The following ADGRA2 variants were observed in gnomAD, a reference collection of about 807,000 sequenced individuals.
ADGRA2 encodes the protein G-protein coupled receptor 124.
In ADGRA2, 61 loss-of-function variants were observed where a neutral mutation model predicts 98.7. The observed-to-expected ratio is 0.62, with a 90% CI of 0.50 to 0.76. The LOEUF is 0.76. Among genes scored for constraint, ADGRA2 ranks in the 30% least tolerant of loss-of-function variants. The probability of loss-of-function intolerance (pLI) is 0.00; values close to 1 mark genes in which losing one functional copy is unlikely to be tolerated. For missense variants in ADGRA2, 1,712 were observed against 1,860.0 expected (o/e 0.92, Z 1.46); for synonymous variants, 858 against 831.5 (o/e 1.03, Z -0.55).
intron 1 of ADGRA2, among the ~76,000 whole-genome samples, chr8:37,806,133 G>A (rs996465615): frequency 7.9e-5 from 12 of 152,126 alleles, no homozygotes; most frequent in Admixed American, 7.9e-4. Context: ...AAATCAGGGG[G>A]ACACAGACAC....
intron 2 of ADGRA2, among the ~76,000 whole-genome samples, chr8:37,826,572 C>A (rs202214088): frequency 0.03 from 4,517 of 152,214 alleles, 153 homozygotes; most frequent in African/African-American, 0.083. Context: ...CCGGCTGAGT[C>A]CTTCGAGTCC....
intron 1 of ADGRA2, among the ~76,000 whole-genome samples, chr8:37,806,260 C>T (rs1002847593): frequency 6.6e-6 from 1 of 152,162 alleles, no homozygotes; most frequent in Non-Finnish European, 1.5e-5. Context: ...TTACACAAGG[C>T]TGAGTGCACA....
At position 37,797,139 on chromosome 8, in the gene ADGRA2, G is replaced by C; in HGVS notation, c.-130G>C. 1.6e-6 allele frequency: 1 copy of C among 622,400 alleles called. No homozygotes were observed. 38.6% of individuals were successfully genotyped at this position (622,400 alleles called of 1,614,324 possible). A position where few individuals can be genotyped will look rare whatever the true frequency, so the allele number is the denominator to read the frequency against. On this transcript the variant is annotated 5_prime_UTR_variant, in exon 1 of 19. Transcript: ENST00000412232. This position sits in a 1 kb window ranked among gnomAD's most constrained non-coding sequence, Gnocchi z 5.3. ...GGCGGGGACCCCGGGGCTCGCCTCCGCCCAGGGCCCCCCTCCACGCCCTCG... is the reference window on the plus strand; with the variant it reads ...GGCGGGGACCCCGGGGCTCGCCTCCCCCCAGGGCCCCCCTCCACGCCCTCG...
chr8:37,839,204 G>A, intron 15 of ADGRA2, 121 bp downstream of exon 15: 1 of 1,376,492 alleles, frequency 7.3e-7, no homozygotes, highest in Non-Finnish European at 1.0e-6. Flanking sequence ...ATGGGGGAGG[G>A]ACTCCGAGGC....
chr8:37,833,410 C>T (rs960184576), intron 9 of ADGRA2, among the ~76,000 whole-genome samples: 1 of 152,208 alleles, frequency 6.6e-6, no homozygotes, highest in Admixed American at 6.5e-5. Context: ...TGGGGAAGGG[C>T]ACCAGTCCTC....
At chr8:37,833,270 A>G in intron 9 of ADGRA2, 62 bp downstream of exon 9, 1 of 1,328,680 alleles carries the variant, frequency 7.5e-7, no homozygotes, top group Non-Finnish European at 1.0e-6. Flanking sequence ...GGGAGAAGCC[A>G]ACCTAACGGG....
chr8:37,835,356 C>T lies in ADGRA2; in HGVS notation c.1791C>T (p.Thr597=), dbSNP rs1411164081. 6.2e-7 allele frequency: 1 copy of T among 1,612,780 alleles called. No individual in the cohort carries two copies. Among genetic ancestry groups the T allele is most frequent in the East Asian group, 2.2e-5 (1 of 44,874 alleles). ...PADQQLRFRC[T]TGRPNVSLSS... ...ACCAGCAGCTCCGCTTCCGCTGCAC[C>T]ACCGGGAGGCCCAATGTTTCTCTGT... is the stretch of plus-strand genomic sequence containing the variant. Residue 597 remains threonine, a synonymous_variant, in exon 12 of 19, where the codon ACC becomes ACT. Coordinates refer to ENST00000412232, the MANE Select transcript of ADGRA2 (RefSeq NM_032777.10).
chr8:37,801,350 G>C (rs1310796156), intron 1 of ADGRA2, among the ~76,000 whole-genome samples: 1 of 152,208 alleles, frequency 6.6e-6, no homozygotes, highest in East Asian at 1.9e-4. Flanking sequence ...CCGTGCTTCT[G>C]AACAGAGAGA....
rs1368517155 is a variant in ADGRA2, at chr8:37,833,976, G to A, written c.1456G>A (p.Val486Met). The A allele has an allele frequency of 3.7e-6, 6 of 1,612,522 alleles. No individual in the cohort carries two copies. In the African/African-American group the frequency reaches 5.3e-5, roughly 14 times the overall value. ...TTCCCTGTCCCCCCAGCTGGTAGAG[G>A]TGATGGTGGACATGGCCAGCAACCT... ...YVDQIKELVE[V>M]MVDMASNLML... The change falls in exon 11 of 19, where the codon GTG becomes ATG. Residue 486 changes from valine (V) to methionine (M), a missense_variant. Val to Met is a conservative substitution (Grantham distance 21). Coordinates refer to ENST00000412232, the MANE Select transcript of ADGRA2 (RefSeq NM_032777.10).
intron 1 of ADGRA2, among the ~76,000 whole-genome samples, chr8:37,807,917 G>T (rs779546637): frequency 2.0e-5 from 3 of 152,202 alleles, no homozygotes; most frequent in Non-Finnish European, 2.9e-5. Context: ...TTTAGTTCAG[G>T]CATGTGCTAT....
chr8:37,823,190 CTT>C lies in ADGRA2; in HGVS notation c.339-5680_339-5679del, dbSNP rs34242233. On this transcript the variant is annotated intron_variant, in intron 2 of 18. Coordinates refer to ENST00000412232, the MANE Select transcript of ADGRA2 (RefSeq NM_032777.10). Reference sequence around the variant, plus strand: ...ACAGGTGTGAACCACCATGCCCAACCTTTTTTTTTTTTTTTTTTTGACAGACA... The same window carrying C: ...ACAGGTGTGAACCACCATGCCCAACCTTTTTTTTTTTTTTTTTGACAGACA... Among the ~76,000 whole-genome samples the C allele has an allele frequency of 4.7e-3, 616 of 129,968 alleles. 6 individuals carry two copies. Among genetic ancestry groups the C allele is most frequent in the African/African-American group, 0.015 (515 of 35,014 alleles). 85.3% of individuals were successfully genotyped at this position (129,968 alleles called of 152,430 possible).
At chr8:37,822,443 G>A (rs1466397416) in intron 2 of ADGRA2, among the ~76,000 whole-genome samples, 2 of 123,640 alleles carry the variant, frequency 1.6e-5, no homozygotes, top group Non-Finnish European at 3.6e-5. Flanking sequence ...GCTCTTTAAC[G>A]GCTCTAGTGA....
intron 2 of ADGRA2, among the ~76,000 whole-genome samples, chr8:37,816,636 G>A (rs1309336531): frequency 3.3e-5 from 3 of 92,224 alleles, no homozygotes; most frequent in African/African-American, 1.4e-4. Flanking sequence ...ACACACACAC[G>A]GCTGGGTGCA....
intron 2 of ADGRA2, among the ~76,000 whole-genome samples, chr8:37,820,659 C>T (rs1384584415): frequency 1.3e-5 from 2 of 152,238 alleles, no homozygotes; most frequent in Non-Finnish European, 2.9e-5. Flanking sequence ...GGTTGAGGCC[C>T]AGTCTGTTAA....
At position 37,835,752 on chromosome 8, in the gene ADGRA2, G is replaced by C. The variant is rs765333292; in HGVS notation, c.2032G>C (p.Val678Leu). The change falls in exon 13 of 19, where the codon GTC becomes CTC. Residue 678 changes from valine (V) to leucine (L), a missense_variant. Transcript: ENST00000412232. ...CAAGAGGCGTGGCGTGGCCACCCCC[G>C]TCATCTTCGCAGGAACCAGTAAGGG... ...PGKRRGVATP[V>L]IFAGTSGCGV... 1 of 1,611,510 alleles carries C rather than the reference G, an allele frequency of 6.2e-7. No homozygotes were observed.
chr8:37,815,968 T>C (rs1478323121), intron 2 of ADGRA2, among the ~76,000 whole-genome samples: 5 of 152,186 alleles, frequency 3.3e-5, no homozygotes, highest in Admixed American at 2.0e-4. Flanking sequence ...TAGGCGTTCC[T>C]AGTTCCTCCG....
At chr8:37,801,982 T>C (rs1804521216) in intron 1 of ADGRA2, among the ~76,000 whole-genome samples, 1 of 152,190 alleles carries the variant, frequency 6.6e-6, no homozygotes, top group Non-Finnish European at 1.5e-5. Context: ...CTCAACCTGC[T>C]CGGCCTCCCA....
intron 18 of ADGRA2, 46 bp downstream of exon 18, chr8:37,840,895 G>A: frequency 1.2e-6 from 1 of 844,412 alleles, no homozygotes; most frequent in Non-Finnish European, 1.8e-6. Context: ...CCTAACACCA[G>A]ATGCCTTCCA....
chr8:37,806,485 G>A (rs1196375402), intron 1 of ADGRA2, among the ~76,000 whole-genome samples: 1 of 139,384 alleles, frequency 7.2e-6, no homozygotes, highest in Non-Finnish European at 1.5e-5. Context: ...CCCTATGGGT[G>A]TGGCATTTTC....
Sources: gnomAD v4.1 joint callset for allele counts (sites outside exome capture counted in the v4.1 genomes callset) on GRCh38, gnomAD v4.1.1 for gene constraint, Gnocchi (gnomAD v3.1) non-coding constraint, MANE v1.5 for transcripts, NCBI Gene and HGNC (gene_info 2026-07-23, HGNC 2026-07-21) for gene names.